NUP93: variants seen among roughly 807,000 people sequenced by gnomAD.
NUP93 encodes the protein nuclear pore complex protein Nup93.
A neutral mutation model predicts 107.8 loss-of-function variants in NUP93; 55 were observed. The observed-to-expected ratio is 0.51, with a 90% CI of 0.41 to 0.64. The LOEUF is 0.64. Among genes scored for constraint, NUP93 ranks in the 30% least tolerant of loss-of-function variants. NUP93 has a pLI of 0.00. For missense variants in NUP93, 937 were observed against 1,044.7 expected (o/e 0.90, Z 1.42); for synonymous variants, 390 against 397.5 (o/e 0.98, Z 0.22).
At chr16:56,758,385 G>A (rs1257028653) in intron 2 of NUP93, among the ~76,000 whole-genome samples, 153 bp from the exon 3 acceptor site, 1 of 152,162 alleles carries the variant, frequency 6.6e-6, no homozygotes, top group Non-Finnish European at 1.5e-5. Context: ...TCTATGGAAA[G>A]ATATAAAACA....
chr16:56,794,927 CAAAAAAAAAAAAAAAAAAAAA>C (rs747651772), intron 3 of NUP93, among the ~76,000 whole-genome samples: 2 of 71,912 alleles, frequency 2.8e-5, no homozygotes, highest in African/African-American at 1.2e-4. Flanking sequence ...GACTCTGTCT[CAAAAAAAAAAAAAAAAAAAAA>C]AAAAAAAAAA....
intron 9 of NUP93, 123 bp downstream of exon 9, chr16:56,829,232 G>T (rs780874100): frequency 3.7e-5 from 45 of 1,227,538 alleles, no homozygotes; most frequent in Non-Finnish European, 4.7e-5. Flanking sequence ...CCAGAGAGGG[G>T]TGAGGACAGA....
At chr16:56,798,072 A>G (rs943764612) in intron 3 of NUP93, among the ~76,000 whole-genome samples, 1 of 152,272 alleles carries the variant, frequency 6.6e-6, no homozygotes, top group Admixed American at 6.5e-5. Context: ...GATGTCATCA[A>G]TGTTAGGAAG....
intron 3 of NUP93, among the ~76,000 whole-genome samples, chr16:56,772,889 C>T (rs1319106241): frequency 6.6e-6 from 1 of 152,142 alleles, no homozygotes; most frequent in Non-Finnish European, 1.5e-5. Flanking sequence ...TGTGATAGTG[C>T]GAAATATGTA....
chr16:56,759,748 C>T (rs1223077201), intron 3 of NUP93, among the ~76,000 whole-genome samples: 1 of 151,718 alleles, frequency 6.6e-6, no homozygotes, highest in Non-Finnish European at 1.5e-5. Context: ...TCTCTGTTAA[C>T]AAATACATGT....
intron 5 of NUP93, among the ~76,000 whole-genome samples, chr16:56,807,643 C>A (rs979624537): frequency 1.3e-4 from 20 of 152,028 alleles, no homozygotes; most frequent in Non-Finnish European, 2.8e-4. Flanking sequence ...GTTAAGTAGC[C>A]CTTTTCTTAA....
At chr16:56,828,604 A>G (rs1413543459) in intron 8 of NUP93, among the ~76,000 whole-genome samples, 1 of 152,236 alleles carries the variant, frequency 6.6e-6, no homozygotes. Flanking sequence ...TCATTGAACT[A>G]TTCTTTTAAT....
intron 3 of NUP93, among the ~76,000 whole-genome samples, chr16:56,761,635 TAAGCCAC>T (rs1962128446): frequency 6.6e-6 from 1 of 152,216 alleles, no homozygotes; most frequent in East Asian, 1.9e-4. Flanking sequence ...TGTCAGTTTA[TAAGCCAC>T]TTAAAGTACT....
At chr16:56,808,728 TAC>T (rs1963241573) in intron 5 of NUP93, among the ~76,000 whole-genome samples, 15 of 29,628 alleles carry the variant, frequency 5.1e-4, no homozygotes, top group Non-Finnish European at 2.4e-4. Context: ...TATATATAAA[TAC>T]ATATATAAAA....
chr16:56,813,928 G>GTTA (rs1344230169), intron 5 of NUP93, among the ~76,000 whole-genome samples: 1 of 152,168 alleles, frequency 6.6e-6, no homozygotes, highest in African/African-American at 2.4e-5. Context: ...AGGTCACACA[G>GTTA]TTAATAGCTG....
intron 3 of NUP93, among the ~76,000 whole-genome samples, chr16:56,773,369 A>G (rs1962356494): frequency 6.6e-6 from 1 of 152,194 alleles, no homozygotes; most frequent in Non-Finnish European, 1.5e-5. Flanking sequence ...GATGGGGTTT[A>G]TTTTGGAGCA....
chr16:56,811,730 C>A (rs1963320073), intron 5 of NUP93, among the ~76,000 whole-genome samples: 1 of 152,092 alleles, frequency 6.6e-6, no homozygotes, highest in African/African-American at 2.4e-5. Flanking sequence ...CTCTGTTTCC[C>A]AAAGTGCTGT....
At chr16:56,799,396 G>A (rs1962973209) in intron 4 of NUP93, among the ~76,000 whole-genome samples, 1 of 152,204 alleles carries the variant, frequency 6.6e-6, no homozygotes, top group Non-Finnish European at 1.5e-5. Context: ...CTCAAAGATT[G>A]TTTACTAACA....
At chr16:56,736,862 A>G (rs1358925538) in intron 1 of NUP93, among the ~76,000 whole-genome samples, 5 of 152,210 alleles carry the variant, frequency 3.3e-5, no homozygotes, top group Non-Finnish European at 5.9e-5. Context: ...AAAATTATGT[A>G]AGATCACATA....
rs762441488 is a variant in NUP93, at chr16:56,818,668, G to A, written c.494G>A (p.Ser165Asn). 2 of 1,613,788 alleles carry A rather than the reference G, an allele frequency of 1.2e-6. No homozygotes were observed. The highest frequency in any genetic ancestry group is 1.1e-5 in the South Asian group (1 of 91,060). ...ALDFTQESEP[S>N]YISDVGPPGR... ...TGAATGTGTATTTATCCACAGCCAA[G>A]CTACATCAGTGATGTGGGACCCCCT... The change falls in exon 6 of 22, where the codon AGC becomes AAC. Residue 165 changes from serine (S) to asparagine (N), a missense_variant. By Grantham distance (46) the Ser-to-Asn change is conservative. Coordinates refer to ENST00000308159, the MANE Select transcript of NUP93 (RefSeq NM_014669.5).
chr16:56,792,847 T>C (rs1388571802), intron 3 of NUP93, among the ~76,000 whole-genome samples: 1 of 152,194 alleles, frequency 6.6e-6, no homozygotes, highest in African/African-American at 2.4e-5. Context: ...TTTTTATTTT[T>C]GCTGTTTAGA....
At chr16:56,764,124 A>G (rs1962177387) in intron 3 of NUP93, among the ~76,000 whole-genome samples, 1 of 152,240 alleles carries the variant, frequency 6.6e-6, no homozygotes, top group Non-Finnish European at 1.5e-5. Flanking sequence ...TTGGAAATGT[A>G]GAATATGCTC....
intron 10 of NUP93, 129 bp from the exon 11 acceptor site, chr16:56,831,713 C>T: frequency 1.1e-6 from 1 of 873,258 alleles, no homozygotes; most frequent in Non-Finnish European, 1.8e-6. Context: ...GGGGCAGAGA[C>T]AGTGTCTCTT....
At chr16:56,827,122 G>A (rs1304382794) in intron 8 of NUP93, among the ~76,000 whole-genome samples, 1 of 144,464 alleles carries the variant, frequency 6.9e-6, no homozygotes, top group Non-Finnish European at 1.5e-5. Context: ...TACTCTCTCT[G>A]TTGTTTTATT....
Sources: gnomAD v4.1 joint callset for allele counts (sites outside exome capture counted in the v4.1 genomes callset) on GRCh38, gnomAD v4.1.1 for gene constraint, MANE v1.5 for transcripts, NCBI Gene and HGNC (gene_info 2026-07-23, HGNC 2026-07-21) for gene names.